Variants in USP7 observed in about 807,000 individuals in gnomAD.
USP7 encodes ubiquitin specific peptidase 7.
Under a neutral mutation model 162.9 loss-of-function variants are expected in USP7, and 9 were observed. The ratio of observed to expected loss-of-function variants is 0.06; its 90% CI spans 0.03 to 0.10. The LOEUF (loss-of-function observed/expected upper bound fraction) is 0.10, where lower values mean the gene tolerates loss of function less well. Ranked by LOEUF, USP7 falls within the 10% of genes least tolerant of loss-of-function variation. The pLI is 1.00. For synonymous variants in USP7, 562 were observed against 475.9 expected, an observed-to-expected ratio of 1.18 and a Z score of -2.35; for missense variants, 715 against 1,373.7, an observed-to-expected ratio of 0.52 and a Z score of 7.58.
intron 28 of USP7, 81 bp from the exon 29 acceptor site, chr16:8,894,936 C>T (rs892295490): frequency 1.0e-4 from 167 of 1,613,336 alleles, no homozygotes; most frequent in Middle Eastern, 5.0e-4. Context: ...CCAAAACCAA[C>T]GCCTAACCCC....
rs754514003 is a variant in USP7, at chr16:8,894,905, G to C, written c.3040-50C>G. On this transcript the variant is annotated intron_variant, in intron 28 of 30. Transcript: ENST00000344836. ...CACACAGTCACTCCCAGCACCCCCA[G>C]GCCACGTCACGTGGCAGCCGCCAAA... The C allele has an allele frequency of 4.3e-6, 7 of 1,613,836 alleles. No individual in the cohort carries two copies. In the East Asian group the frequency reaches 1.3e-4, roughly 31 times the overall value.
chr16:8,900,421 A>T, intron 21 of USP7, 109 bp downstream of exon 21: 1 of 770,772 alleles, frequency 1.3e-6, no homozygotes, highest in Non-Finnish European at 1.9e-6. Flanking sequence ...TAAAAAAAAC[A>T]AAAACAAAAA....
intron 21 of USP7, among the ~76,000 whole-genome samples, chr16:8,900,299 T>C (rs1198909755): frequency 6.6e-6 from 1 of 152,250 alleles, no homozygotes; most frequent in Non-Finnish European, 1.5e-5. Flanking sequence ...AGTTGCCACG[T>C]GCACTTGAGA....
At chr16:8,939,821 C>G (rs753750730) in intron 1 of USP7, among the ~76,000 whole-genome samples, 1 of 152,212 alleles carries the variant, frequency 6.6e-6, no homozygotes, top group Non-Finnish European at 1.5e-5. Flanking sequence ...TGTTTCTGGC[C>G]GAGCGCAGTG....
At position 8,901,950 on chromosome 16, in the gene USP7, G is replaced by C. The variant is rs535555999; in HGVS notation, c.2047+132C>G. On this transcript the variant is annotated intron_variant, in intron 18 of 30. Coordinates refer to ENST00000344836, the MANE Select transcript of USP7 (RefSeq NM_003470.3). ...TTATTTGACTTCATCAGGAAGTCTAGTGAGCTTTTGTGGAATTGATCAACA... is the reference window on the plus strand; with the variant it reads ...TTATTTGACTTCATCAGGAAGTCTACTGAGCTTTTGTGGAATTGATCAACA... 9.5e-5 allele frequency: 73 copies of C among 764,598 alleles called. No homozygotes were observed. In the African/African-American group the frequency reaches 1.1e-3, roughly 12 times the overall value. The allele number at this position is 764,598 out of a possible 1,614,324, so 47.4% of individuals were successfully genotyped here.
intron 15 of USP7, among the ~76,000 whole-genome samples, chr16:8,903,959 G>A (rs1468971667): frequency 6.6e-6 from 1 of 151,938 alleles, no homozygotes; most frequent in African/African-American, 2.4e-5. Context: ...TAGCTAGACA[G>A]CCAACGGTGA....
intron 30 of USP7, 66 bp from the exon 31 acceptor site, chr16:8,894,170 G>T: frequency 7.0e-7 from 1 of 1,435,182 alleles, no homozygotes; most frequent in Non-Finnish European, 9.8e-7. Context: ...GCGGGGTGGT[G>T]GCCAGTGAGG....
chr16:8,963,219 T>G lies in USP7; in HGVS notation c.67A>C (p.Met23Leu). Residue 23 changes from methionine to leucine, a missense_variant, in exon 1 of 31, where the codon ATG becomes CTG. Transcript: ENST00000344836. Reference sequence around the variant, plus strand: ...CCTCGGGCCTCACCTTCCATCTCCATGTCCTCGGGCTCGCTCAACTGCTGC... The same window carrying G: ...CCTCGGGCCTCACCTTCCATCTCCAGGTCCTCGGGCTCGCTCAACTGCTGC... Reference protein sequence around the residue: ...GEQQLSEPEDMEMEAGDTDDP... With the variant: ...GEQQLSEPEDLEMEAGDTDDP... 8 of 1,401,222 alleles carry G rather than the reference T, an allele frequency of 5.7e-6. No homozygotes were observed. Among genetic ancestry groups the G allele is most frequent in the East Asian group, 3.6e-5 (1 of 27,650 alleles). 86.8% of individuals were successfully genotyped at this position (1,401,222 alleles called of 1,614,324 possible). A position where few individuals can be genotyped will look rare whatever the true frequency, so the allele number is the denominator to read the frequency against.
rs200093887 is a variant in USP7 at position 8,913,391 on chromosome 16, A to AGAAGT, written c.1078+1858_1078+1862dup. On this transcript the variant is annotated intron_variant, in intron 10 of 30. Transcript: ENST00000344836. The stretch of plus-strand genomic sequence containing the variant: ...GAGAAGAGGGAAGACAGGAGAGAAG[A>AGAAGT]GAAGTGAAGTGAAGCGAAGCGAAGA... Among the ~76,000 whole-genome samples, 231 of 152,092 alleles carry AGAAGT rather than the reference A, an allele frequency of 1.5e-3. 1 individual carries two copies. The highest frequency in any genetic ancestry group is 5.2e-3 in the African/African-American group (215 of 41,382).
At position 8,930,358 on chromosome 16, in the gene USP7, G is replaced by C. The variant is rs1156816715; in HGVS notation, c.119C>G (p.Pro40Arg). Residue 40 changes from proline (P) to arginine (R), a missense_variant, in exon 2 of 31, where the codon CCT becomes CGT. Physicochemically the swap from Pro to Arg is moderately radical, Grantham distance 103. Transcript: ENST00000344836. ...TDDPPRITQN[P>R]VINGNVALSD... ...CAGGGCCACATTCCCATTGATCACA[G>C]GGTTCTGAGTAATTCTTGGTGGGTC... The C allele has an allele frequency of 6.2e-7, 1 of 1,613,406 alleles. No homozygotes were observed. The highest frequency in any genetic ancestry group is 8.5e-7 in the Non-Finnish European group (1 of 1,179,746).
At chr16:8,942,487 T>C (rs1386209055) in intron 1 of USP7, among the ~76,000 whole-genome samples, 2 of 152,222 alleles carry the variant, frequency 1.3e-5, no homozygotes, top group African/African-American at 2.4e-5. Context: ...CTGTGTACTC[T>C]AAAACGGGGG....
intron 19 of USP7, 39 bp downstream of exon 19, chr16:8,901,103 G>C: frequency 3.1e-6 from 5 of 1,613,144 alleles, no homozygotes; most frequent in Non-Finnish European, 4.2e-6. Flanking sequence ...AATGTACTGA[G>C]CAAAATCTAC....
At chr16:8,912,169 T>TGCAGTGGC (rs1476004370) in intron 10 of USP7, among the ~76,000 whole-genome samples, 1 of 152,118 alleles carries the variant, frequency 6.6e-6, no homozygotes, top group Non-Finnish European at 1.5e-5. Flanking sequence ...TGTGAACCAG[T>TGCAGTGGC]GCAGTGGCTC....
intron 30 of USP7, 104 bp downstream of exon 30, chr16:8,894,446 G>C (rs555974708): frequency 1.3e-5 from 15 of 1,151,566 alleles, no homozygotes; most frequent in Non-Finnish European, 1.7e-5. Context: ...CCAGTGGAGA[G>C]AGAGGAGCTG....
intron 22 of USP7, 122 bp downstream of exon 22, chr16:8,899,482 T>C: frequency 1.6e-6 from 2 of 1,274,444 alleles, no homozygotes; most frequent in Non-Finnish European, 2.2e-6. Flanking sequence ...AGTGGGAGAT[T>C]TCCTCGGGCA....
At position 8,963,213 on chromosome 16, in the gene USP7, T is replaced by C. The variant is rs1304314616; in HGVS notation, c.73A>G (p.Met25Val). 1.4e-6 allele frequency: 2 copies of C among 1,413,982 alleles called. No individual in the cohort carries two copies. Among genetic ancestry groups the C allele is most frequent in the East Asian group, 7.0e-5 (2 of 28,748 alleles). 87.6% of individuals were successfully genotyped at this position (1,413,982 alleles called of 1,614,324 possible). Reference sequence around the variant, plus strand: ...GCCGGCCCTCGGGCCTCACCTTCCATCTCCATGTCCTCGGGCTCGCTCAAC... The same window carrying C: ...GCCGGCCCTCGGGCCTCACCTTCCACCTCCATGTCCTCGGGCTCGCTCAAC... ...QQLSEPEDME[M>V]EAGDTDDPPR... Residue 25 changes from methionine (M) to valine (V), a missense_variant, in exon 1 of 31, where the codon ATG (methionine) becomes GTG (valine). Physicochemically the swap from Met to Val is conservative, Grantham distance 21. Coordinates refer to ENST00000344836, the MANE Select transcript of USP7 (RefSeq NM_003470.3).
intron 13 of USP7, among the ~76,000 whole-genome samples, chr16:8,905,995 G>A (rs894527332): frequency 6.6e-6 from 1 of 152,162 alleles, no homozygotes; most frequent in Non-Finnish European, 1.5e-5. Context: ...TCTGCCAAAT[G>A]AGTATGGCGC....
At chr16:8,929,522 T>C (rs1898198083) in intron 2 of USP7, 2 of 455,934 alleles carry the variant, frequency 4.4e-6, no homozygotes, top group African/African-American at 4.0e-5. Flanking sequence ...TGATGGTTTC[T>C]TTCAACTGCC....
At chr16:8,898,663 A>T in intron 23 of USP7, 24 bp from the exon 24 acceptor site, 1 of 1,530,672 alleles carries the variant, frequency 6.5e-7, no homozygotes. Context: ...CAGCATATAA[A>T]TAAATGACTT....
Sources: gnomAD v4.1 joint callset for allele counts (sites outside exome capture counted in the v4.1 genomes callset) on GRCh38, gnomAD v4.1.1 for gene constraint, MANE v1.5 for transcripts, NCBI Gene and HGNC (gene_info 2026-07-23, HGNC 2026-07-21) for gene names.